KAZN: variants seen among roughly 807,000 people sequenced by gnomAD.
The protein encoded by KAZN is kazrin, periplakin interacting protein, also known as kazrin.
A neutral mutation model predicts 87.4 loss-of-function variants in KAZN; 40 were observed. The observed-to-expected ratio is 0.46, with a 90% confidence interval of 0.36 to 0.60. The LOEUF is 0.60. Ranked by LOEUF, KAZN falls within the 20% of genes least tolerant of loss-of-function variation. The pLI is 0.00. For missense variants in KAZN, 898 were observed against 1,073.9 expected (o/e 0.84, Z 2.29); for synonymous variants, 466 against 458.3 (o/e 1.02, Z -0.22).
intron 2 of KAZN, among the ~76,000 whole-genome samples, chr1:14,199,986 GT>G (rs1397040195): frequency 6.6e-6 from 1 of 151,858 alleles, no homozygotes; most frequent in Non-Finnish European, 1.5e-5. Flanking sequence ...CAGCATTGAC[GT>G]TATCAAACGA....
chr1:13,975,610 G>A (rs1420653620), intron 1 of KAZN, among the ~76,000 whole-genome samples: 1 of 152,112 alleles, frequency 6.6e-6, no homozygotes, highest in South Asian at 2.1e-4. Flanking sequence ...GAACAGAATA[G>A]ATACTCATCA....
chr1:14,506,934 A>G (rs1277237012), intron 2 of KAZN, among the ~76,000 whole-genome samples: 1 of 152,204 alleles, frequency 6.6e-6, no homozygotes, highest in Non-Finnish European at 1.5e-5. Flanking sequence ...CCATTCAGGA[A>G]AGATTAGGCT....
In KAZN at chr1:14,769,708, G is replaced by A. The variant is rs1408651537; in HGVS notation, c.226+170485G>A. Among the ~76,000 whole-genome samples the A allele has an allele frequency of 4.6e-5, 7 of 152,148 alleles. No individual in the cohort carries two copies. The highest frequency in any genetic ancestry group is 9.7e-5 in the African/African-American group (4 of 41,418). On this transcript the variant is annotated intron_variant, in intron 1 of 14. Transcript: ENST00000376030. This position sits in a 1 kb window ranked among gnomAD's most constrained non-coding sequence, Gnocchi z 4.1. ...TCTTGATTAGTGTCTAAGTGATTGC[G>A]GGAAATTAACACTGGTCCTTCATTC...
intron 2 of KAZN, among the ~76,000 whole-genome samples, chr1:14,227,917 G>T (rs1352033044): frequency 6.6e-6 from 1 of 152,128 alleles, no homozygotes; most frequent in African/African-American, 2.4e-5. Flanking sequence ...AAAGTTGTGT[G>T]AGACTCAGGG....
intron 2 of KAZN, among the ~76,000 whole-genome samples, chr1:14,416,910 C>T (rs139904580): frequency 0.021 from 3,188 of 151,402 alleles, 50 homozygotes; most frequent in Middle Eastern, 0.038. Flanking sequence ...GGCAACATAA[C>T]GAAACCCTAT....
At chr1:13,898,670 C>A (rs1639135404) in intron 1 of KAZN, among the ~76,000 whole-genome samples, 1 of 152,158 alleles carries the variant, frequency 6.6e-6, no homozygotes, top group Non-Finnish European at 1.5e-5. Context: ...ATGCCACCTG[C>A]AAGGCTCCTT....
intron 1 of KAZN, among the ~76,000 whole-genome samples, chr1:14,749,304 G>A (rs1644348415): frequency 6.6e-6 from 1 of 152,170 alleles, no homozygotes; most frequent in African/African-American, 2.4e-5. Context: ...TCTCAATTCT[G>A]TTACAAGCCT....
rs1658757486 is a variant in KAZN, at chr1:14,923,267, G to A, written c.227-37417G>A. Among the ~76,000 whole-genome samples the A allele has an allele frequency of 1.3e-5, 2 of 152,328 alleles. No homozygotes were observed. The highest frequency in any genetic ancestry group is 4.8e-5 in the African/African-American group (2 of 41,576). On this transcript the variant is annotated intron_variant, in intron 1 of 14. Coordinates refer to ENST00000376030, the MANE Select transcript of KAZN (RefSeq NM_201628.3). This position sits in a 1 kb window ranked among gnomAD's most constrained non-coding sequence, Gnocchi z 4.2. ...GGAACTGGACCTGCCTCCTGGGGCT[G>A]TAAGGAGATAATTAGTCTTTCTAAA...
intron 8 of KAZN, among the ~76,000 whole-genome samples, chr1:15,092,429 TTGGG>T (rs1206724224): frequency 6.6e-6 from 1 of 151,988 alleles, no homozygotes; most frequent in Non-Finnish European, 1.5e-5. Flanking sequence ...GTTTGTCTGT[TTGGG>T]TGTGTGTGTG....
intron 2 of KAZN, among the ~76,000 whole-genome samples, chr1:14,526,720 C>A (rs1272420569): frequency 6.6e-6 from 1 of 152,132 alleles, no homozygotes; most frequent in African/African-American, 2.4e-5. Flanking sequence ...AACCTCATTC[C>A]CCTGGGACCA....
At chr1:14,975,456 C>T (rs1665499631) in intron 2 of KAZN, among the ~76,000 whole-genome samples, 1 of 152,148 alleles carries the variant, frequency 6.6e-6, no homozygotes, top group Admixed American at 6.5e-5. Flanking sequence ...TAGAGAGGAA[C>T]GTTCTAATTT....
chr1:14,747,042 A>G (rs1220944492), intron 1 of KAZN, among the ~76,000 whole-genome samples: 3 of 152,202 alleles, frequency 2.0e-5, no homozygotes, highest in Non-Finnish European at 4.4e-5. Flanking sequence ...TTCTGGCTCT[A>G]TGAGCTTGCC....
At position 14,645,641 on chromosome 1, in the gene KAZN, T is replaced by A. The variant is rs193183788; in HGVS notation, c.226+46418T>A. 3.3e-5 allele frequency among the ~76,000 whole-genome samples: 5 copies of A among 152,326 alleles called. No individual in the cohort carries two copies. The East Asian group carries it at 9.6e-4, about 29-fold the overall frequency. ...AAGTTGTTTATCAACTGAAGGAACTTTTGGGCCAAGACTATGGTGTTTTCT... is the reference window on the plus strand; with the variant it reads ...AAGTTGTTTATCAACTGAAGGAACTATTGGGCCAAGACTATGGTGTTTTCT... On this transcript the variant is annotated intron_variant, in intron 1 of 14. Transcript: ENST00000376030.
intron 1 of KAZN, among the ~76,000 whole-genome samples, chr1:13,993,761 G>T (rs1185752118): frequency 6.6e-6 from 1 of 152,198 alleles, no homozygotes; most frequent in African/African-American, 2.4e-5. Flanking sequence ...ATGGGGTAAA[G>T]TGATGGAGAG....
chr1:14,666,047 A>C (rs1639531652), intron 1 of KAZN, among the ~76,000 whole-genome samples: 1 of 152,170 alleles, frequency 6.6e-6, no homozygotes, highest in Non-Finnish European at 1.5e-5. Flanking sequence ...TTTAAAAAAA[A>C]AAAGCTTTAC....
chr1:14,381,012 C>A lies in KAZN; in HGVS notation c.249+200420C>A, dbSNP rs1018353981. On this transcript the variant is annotated intron_variant, in intron 2 of 16. Transcript: ENST00000636203. ...AATGACATACATCTGGCAACATAGT[C>A]CTTCCCATTCTTCCCTCCCCTTCTG... is the stretch of plus-strand genomic sequence containing the variant. Among the ~76,000 whole-genome samples, 3 of 152,174 alleles carry A rather than the reference C, an allele frequency of 2.0e-5. 1 individual carries two copies. Among genetic ancestry groups the A allele is most frequent in the Non-Finnish European group, 2.9e-5 (2 of 68,034 alleles).
At chr1:14,091,881 AGACTTTGGCTTACCCCATAGGGT>A (rs1232423387) in intron 1 of KAZN, among the ~76,000 whole-genome samples, 1 of 152,130 alleles carries the variant, frequency 6.6e-6, no homozygotes, top group Non-Finnish European at 1.5e-5. Flanking sequence ...CAGAAAATTT[AGACTTTGGCTTACCCCATAGGGT>A]GATTGTGAAA....
chr1:13,925,155 C>T (rs1241571159), intron 1 of KAZN, among the ~76,000 whole-genome samples: 1 of 152,220 alleles, frequency 6.6e-6, no homozygotes, highest in Non-Finnish European at 1.5e-5. Flanking sequence ...CTGGACATTT[C>T]ACAGCGATGG....
chr1:14,535,310 A>G (rs1005965214), intron 2 of KAZN, among the ~76,000 whole-genome samples: 2 of 152,184 alleles, frequency 1.3e-5, no homozygotes, highest in Non-Finnish European at 2.9e-5. Context: ...TGCATCTTAC[A>G]CTCATTGCCT....
Sources: allele counts gnomAD v4.1 joint callset (sites outside exome capture counted in the v4.1 genomes callset), GRCh38; gene constraint gnomAD v4.1.1; non-coding constraint Gnocchi (gnomAD v3.1); transcripts MANE v1.5; gene names NCBI Gene and HGNC (gene_info 2026-07-23, HGNC 2026-07-21).